C1orf21: variants seen among roughly 807,000 people sequenced by gnomAD.
C1orf21 encodes the protein uncharacterized protein C1orf21.
C1orf21 carries 3 observed loss-of-function variants against 18.7 expected under a neutral mutation model. The observed-to-expected ratio is 0.16, with a 90% CI of 0.07 to 0.42. The LOEUF (loss-of-function observed/expected upper bound fraction) is 0.42, where lower values mean the gene tolerates loss of function less well. Among genes scored for constraint, C1orf21 ranks in the 10% least tolerant of loss-of-function variants. The probability of loss-of-function intolerance (pLI) is 0.99; values close to 1 mark genes in which losing one functional copy is unlikely to be tolerated. For synonymous variants in C1orf21, 41 were observed against 46.4 expected, an observed-to-expected ratio of 0.88 and a Z score of 0.47; for missense variants, 104 against 143.6, an observed-to-expected ratio of 0.72 and a Z score of 1.41.
chr1:184,566,670 C>A, intron 3 of C1orf21: 1 of 396,144 alleles, frequency 2.5e-6, no homozygotes, highest in Non-Finnish European at 5.1e-6. Flanking sequence ...AAATTTCACC[C>A]ATGTGGTAGC....
chr1:184,507,694 T>C lies in C1orf21; in HGVS notation c.189+12T>C. ...ACCAAGAAAACTTGGTAAGAATTGATTTTCTCACTTAACAATGAATTTTGG... is the reference window on the plus strand; with the variant it reads ...ACCAAGAAAACTTGGTAAGAATTGACTTTCTCACTTAACAATGAATTTTGG... On this transcript the variant is annotated intron_variant, in intron 3 of 5. Transcript: ENST00000235307. The C allele has an allele frequency of 6.4e-7, 1 of 1,570,802 alleles. No homozygotes were observed.
chr1:184,620,252 G>A lies in C1orf21; in HGVS notation c.*696G>A, dbSNP rs932386797. The A allele has an allele frequency of 6.6e-6, 1 of 152,636 alleles. No homozygotes were observed. Among genetic ancestry groups the A allele is most frequent in the African/African-American group, 2.4e-5 (1 of 41,456 alleles). 9.5% of individuals were successfully genotyped at this position (152,636 alleles called of 1,614,324 possible). On this transcript the variant is annotated 3_prime_UTR_variant, in exon 6 of 6. Coordinates refer to ENST00000235307, the MANE Select transcript of C1orf21 (RefSeq NM_030806.4). ...GCTTTGCTCAGATGCAGATGGAAGT[G>A]TGATCACAATCATTTTGAATCCCTC...
intron 5 of C1orf21, among the ~76,000 whole-genome samples, chr1:184,604,028 G>A (rs193068764): frequency 6.7e-4 from 102 of 152,180 alleles, no homozygotes; most frequent in Middle Eastern, 6.8e-3. Flanking sequence ...GTTATGAGTC[G>A]GTGTGTCAGA....
At chr1:184,616,149 C>T (rs907518056) in intron 5 of C1orf21, among the ~76,000 whole-genome samples, 1 of 152,212 alleles carries the variant, frequency 6.6e-6, no homozygotes, top group African/African-American at 2.4e-5. Context: ...ACTGGATGGC[C>T]ATATGGTTTA....
chr1:184,445,374 C>T (rs11580682), intron 1 of C1orf21, among the ~76,000 whole-genome samples: 2,150 of 151,196 alleles, frequency 0.014, 25 homozygotes, highest in Middle Eastern at 0.027. Context: ...CTCTCTCTCT[C>T]GCAAGGAGCT....
chr1:184,620,638 C>T lies in C1orf21; in HGVS notation c.*1082C>T, dbSNP rs571055538. On this transcript the variant is annotated 3_prime_UTR_variant, in exon 6 of 6. Coordinates refer to ENST00000235307, the MANE Select transcript of C1orf21 (RefSeq NM_030806.4). ...CTTCCTTTTTCTCTTACTTCCAGCA[C>T]ACTAGACATAGCAAAAGTGTTTGCC... 6.5e-6 allele frequency: 1 copy of T among 152,730 alleles called. No individual in the cohort carries two copies. Among genetic ancestry groups the T allele is most frequent in the African/African-American group, 2.4e-5 (1 of 41,552 alleles). 9.5% of individuals were successfully genotyped at this position (152,730 alleles called of 1,614,324 possible). A position where few individuals can be genotyped will look rare whatever the true frequency, so the allele number is the denominator to read the frequency against.
At chr1:184,458,277 A>G (rs1657251364) in intron 1 of C1orf21, among the ~76,000 whole-genome samples, 1 of 152,094 alleles carries the variant, frequency 6.6e-6, no homozygotes, top group Non-Finnish European at 1.5e-5. Flanking sequence ...AGTTCTTACT[A>G]TTTTATTATG....
At chr1:184,560,129 A>G (rs1354309254) in intron 3 of C1orf21, among the ~76,000 whole-genome samples, 6 of 152,164 alleles carry the variant, frequency 3.9e-5, no homozygotes, top group African/African-American at 1.2e-4. Context: ...CAGATTATTT[A>G]AGGGGTTAGC....
chr1:184,451,013 G>C (rs1353848382), intron 1 of C1orf21, among the ~76,000 whole-genome samples: 7 of 152,164 alleles, frequency 4.6e-5, no homozygotes, highest in Middle Eastern at 3.2e-3. Context: ...GCGTAGCTGA[G>C]ATTACAGGCA....
At position 184,626,514 on chromosome 1, in the gene C1orf21, T is replaced by A. The variant is rs1275114316; in HGVS notation, c.*6958T>A. 2.0e-5 allele frequency: 3 copies of A among 152,796 alleles called. No homozygotes were observed. Among genetic ancestry groups the A allele is most frequent in the Admixed American group, 6.5e-5 (1 of 15,272 alleles). The allele number at this position is 152,796 out of a possible 1,614,324, so 9.5% of individuals were successfully genotyped here. The stretch of plus-strand genomic sequence containing the variant: ...ACGTGGACGGGGCAGTGAGCCAGGC[T>A]AGCCACAGAGGGTTCCCGGGGCTTT... On this transcript the variant is annotated 3_prime_UTR_variant, in exon 6 of 6. Coordinates refer to ENST00000235307, the MANE Select transcript of C1orf21 (RefSeq NM_030806.4).
intron 5 of C1orf21, among the ~76,000 whole-genome samples, chr1:184,603,082 G>A (rs755066206): frequency 6.6e-6 from 1 of 152,150 alleles, no homozygotes; most frequent in Non-Finnish European, 1.5e-5. Flanking sequence ...ATAATTTCTG[G>A]GTTTTAAGAC....
intron 3 of C1orf21, among the ~76,000 whole-genome samples, chr1:184,532,165 G>A (rs1265521351): frequency 6.6e-6 from 1 of 151,970 alleles, no homozygotes; most frequent in African/African-American, 2.4e-5. Context: ...GGCAGAGTTT[G>A]GAGTGAGAGG....
chr1:184,410,661 A>ATTTTTTTTT (rs1324215272), intron 1 of C1orf21, among the ~76,000 whole-genome samples: 1 of 6,148 alleles, frequency 1.6e-4, no homozygotes, highest in Non-Finnish European at 2.4e-4. Context: ...ATATATATAT[A>ATTTTTTTTT]TATTTTTTTT....
At position 184,621,326 on chromosome 1, in the gene C1orf21, G is replaced by A. The variant is rs1659913306; in HGVS notation, c.*1770G>A. The stretch of plus-strand genomic sequence containing the variant: ...ACAGCAGCTATTTTGGGGAGCAGCT[G>A]TGGCTGTTACATAAATAGAGATGCA... On this transcript the variant is annotated 3_prime_UTR_variant, in exon 6 of 6. Transcript: ENST00000235307. 6.6e-6 allele frequency: 1 copy of A among 152,642 alleles called. No individual in the cohort carries two copies. The highest frequency in any genetic ancestry group is 1.5e-5 in the Non-Finnish European group (1 of 68,046). The allele number at this position is 152,642 out of a possible 1,614,324, so 9.5% of individuals were successfully genotyped here.
At chr1:184,609,243 G>A (rs1659693080) in intron 5 of C1orf21, among the ~76,000 whole-genome samples, 1 of 152,224 alleles carries the variant, frequency 6.6e-6, no homozygotes, top group South Asian at 2.1e-4. Context: ...CTCAGCAGGT[G>A]TGAGGCAAGG....
intron 3 of C1orf21, among the ~76,000 whole-genome samples, chr1:184,537,755 A>C (rs528324637): frequency 6.6e-6 from 1 of 151,824 alleles, no homozygotes; most frequent in East Asian, 1.9e-4. Flanking sequence ...GGTTCAAGCT[A>C]CTCTCCTGCC....
At chr1:184,560,847 A>G (rs1488037371) in intron 3 of C1orf21, among the ~76,000 whole-genome samples, 1 of 152,256 alleles carries the variant, frequency 6.6e-6, no homozygotes, top group Non-Finnish European at 1.5e-5. Context: ...TTGATCATGG[A>G]TTAATGAGAT....
chr1:184,528,520 C>G (rs1435288826), intron 3 of C1orf21, among the ~76,000 whole-genome samples: 1 of 152,166 alleles, frequency 6.6e-6, no homozygotes, highest in Non-Finnish European at 1.5e-5. Flanking sequence ...TCTCAGCTCA[C>G]TGCAACCTCT....
At chr1:184,413,591 C>CG (rs1656395300) in intron 1 of C1orf21, among the ~76,000 whole-genome samples, 1 of 152,158 alleles carries the variant, frequency 6.6e-6, no homozygotes, top group Admixed American at 6.5e-5. Flanking sequence ...CACCAGAAAA[C>CG]TATGTTTCTG....
Sources: gnomAD v4.1 joint callset for allele counts (sites outside exome capture counted in the v4.1 genomes callset) on GRCh38, gnomAD v4.1.1 for gene constraint, MANE v1.5 for transcripts, NCBI Gene and HGNC (gene_info 2026-07-23, HGNC 2026-07-21) for gene names.